PCDHGB6: variants seen among roughly 807,000 people sequenced by gnomAD.
The protein encoded by PCDHGB6 is protocadherin gamma subfamily B, 6, also known as protocadherin gamma-B6.
In PCDHGB6, 51 loss-of-function variants were observed where a neutral mutation model predicts 59.1. The ratio of observed to expected loss-of-function variants is 0.86; its 90% CI spans 0.69 to 1.09. The LOEUF (loss-of-function observed/expected upper bound fraction) is 1.09, where lower values mean the gene tolerates loss of function less well. PCDHGB6 is among the 50% of genes least tolerant of loss of function. The pLI is 0.00. For missense variants in PCDHGB6, 1,148 were observed against 1,205.1 expected, an observed-to-expected ratio of 0.95 and a Z score of 0.70; for synonymous variants, 466 against 495.1, an observed-to-expected ratio of 0.94 and a Z score of 0.78.
At chr5:141,494,305 C>T (rs544773836) in intron 1 of PCDHGB6, among the ~76,000 whole-genome samples, 1 of 152,346 alleles carries the variant, frequency 6.6e-6, no homozygotes, top group East Asian at 1.9e-4. Context: ...GAATGTGTCA[C>T]TGCACAACCT....
chr5:141,486,391 C>T lies in PCDHGB6; in HGVS notation c.2419-8416C>T. The T allele has an allele frequency of 6.2e-7, 1 of 1,614,112 alleles. No individual in the cohort carries two copies. The highest frequency in any genetic ancestry group is 8.5e-7 in the Non-Finnish European group (1 of 1,179,984). Reference sequence around the variant, plus strand: ...AGTCTGCCTTCAGGAACCAGTTCTCCCTGGTGACTGCTGGACCCTTGGATC... The same window carrying T: ...AGTCTGCCTTCAGGAACCAGTTCTCTCTGGTGACTGCTGGACCCTTGGATC... On this transcript the variant is annotated intron_variant, in intron 1 of 3. Transcript: ENST00000520790. The surrounding 1 kb of genome is among the most constrained non-coding windows in gnomAD (Gnocchi z 5.0).
At chr5:141,413,081 C>CAG in intron 1 of PCDHGB6, 1 of 1,339,426 alleles carries the variant, frequency 7.5e-7, no homozygotes, top group South Asian at 1.5e-5. Flanking sequence ...GCCCAGGCTA[C>CAG]AGAGACACCC....
In PCDHGB6 at chr5:141,409,577, G is replaced by A; in HGVS notation, c.1375G>A (p.Val459Ile). The change falls in exon 1 of 4, where the codon GTC (valine) becomes ATC (isoleucine). Residue 459 changes from valine to isoleucine, a missense_variant. Transcript: ENST00000520790. ...APVFDQTSYVVHVAENNPPGA... is the reference protein window; with the variant it reads ...APVFDQTSYVIHVAENNPPGA... ...AGTTTTCGACCAGACGTCCTACGTG[G>A]TCCACGTGGCCGAGAACAACCCGCC... 1 of 1,613,920 alleles carries A rather than the reference G, an allele frequency of 6.2e-7. No homozygotes were observed. The highest frequency in any genetic ancestry group is 1.1e-5 in the South Asian group (1 of 91,092).
Position 141,483,648 on chromosome 5 carries a change from T to TTGTG in PCDHGB6, c.2419-11141_2419-11138dup, listed in dbSNP as rs111458813. ...GGAGAAGGTATAGAGGGGTGTGTGTTTGTGTGTGTGTGTGTGTGTGTAAAA... is the reference window on the plus strand; with the variant it reads ...GGAGAAGGTATAGAGGGGTGTGTGTTTGTGTGTGTGTGTGTGTGTGTGTGTAAAA... On this transcript the variant is annotated intron_variant, in intron 1 of 3. Coordinates refer to ENST00000520790, the MANE Select transcript of PCDHGB6 (RefSeq NM_018926.3). Among the ~76,000 whole-genome samples, 501 of 149,686 alleles carry TTGTG rather than the reference T, an allele frequency of 3.3e-3. 2 individuals are homozygous for TTGTG. Among genetic ancestry groups the TTGTG allele is most frequent in the African/African-American group, 7.3e-3 (297 of 40,842 alleles).
At position 141,432,900 on chromosome 5, in the gene PCDHGB6, T is replaced by A. The variant is rs139221180; in HGVS notation, c.2418+22280T>A. ...GCCTTCGTCATCTTGCTGCTGGCGCTCAGGCTGCGGCGCTGGCACAAGTCA... is the reference window on the plus strand; with the variant it reads ...GCCTTCGTCATCTTGCTGCTGGCGCACAGGCTGCGGCGCTGGCACAAGTCA... On this transcript the variant is annotated intron_variant, in intron 1 of 3. Transcript: ENST00000520790. The surrounding 1 kb of genome is among the most constrained non-coding windows in gnomAD (Gnocchi z 6.0). The A allele has an allele frequency of 7.9e-5, 128 of 1,614,174 alleles. No homozygotes were observed. The highest frequency in any genetic ancestry group is 7.4e-4 in the East Asian group (33 of 44,868).
chr5:141,489,942 C>T lies in PCDHGB6; in HGVS notation c.2419-4865C>T. On this transcript the variant is annotated intron_variant, in intron 1 of 3. Transcript: ENST00000520790. The surrounding 1 kb of genome is among the most constrained non-coding windows in gnomAD (Gnocchi z 4.5). ...CCCTTATCTCTGTCATCGTGCTGGA[C>T]ATCAATGATAATGCTCCAACCTTCC... 2 of 1,614,170 alleles carry T rather than the reference C, an allele frequency of 1.2e-6. No homozygotes were observed. The highest frequency in any genetic ancestry group is 1.7e-6 in the Non-Finnish European group (2 of 1,179,984).
At chr5:141,478,143 A>G (rs759384540) in intron 1 of PCDHGB6, 72 of 1,614,014 alleles carry the variant, frequency 4.5e-5, no homozygotes, top group Middle Eastern at 3.3e-4. Context: ...GCCCGAGCCG[A>G]GTTCCCCTCT....
chr5:141,469,370 A>T (rs1453825795), intron 1 of PCDHGB6, among the ~76,000 whole-genome samples: 1 of 152,106 alleles, frequency 6.6e-6, no homozygotes, highest in Non-Finnish European at 1.5e-5. Flanking sequence ...AGGTAAAGAG[A>T]TCGAGACCAT....
chr5:141,494,678 G>A, intron 1 of PCDHGB6, 129 bp from the exon 2 acceptor site: 1 of 1,554,384 alleles, frequency 6.4e-7, no homozygotes, highest in Non-Finnish European at 8.7e-7. Flanking sequence ...GTCCACCCCT[G>A]CCCCCTCTTA....
chr5:141,476,979 G>C lies in PCDHGB6; in HGVS notation c.2419-17828G>C. On this transcript the variant is annotated intron_variant, in intron 1 of 3. Coordinates refer to ENST00000520790, the MANE Select transcript of PCDHGB6 (RefSeq NM_018926.3). The surrounding 1 kb of genome is among the most constrained non-coding windows in gnomAD (Gnocchi z 7.6). Reference sequence around the variant, plus strand: ...ATTTACTCCTTCGGCAGCCACAACCGCGCCGGCGTGCGGCAACTATTCGCC... The same window carrying C: ...ATTTACTCCTTCGGCAGCCACAACCCCGCCGGCGTGCGGCAACTATTCGCC... 1 of 1,614,238 alleles carries C rather than the reference G, an allele frequency of 6.2e-7. No homozygotes were observed. The highest frequency in any genetic ancestry group is 1.3e-5 in the African/African-American group (1 of 75,074).
intron 1 of PCDHGB6, chr5:141,414,615 G>A: frequency 6.2e-7 from 1 of 1,613,962 alleles, no homozygotes; most frequent in Non-Finnish European, 8.5e-7. Context: ...CAGTGACAGC[G>A]CTGGACCCGG....
At chr5:141,419,620 G>A (rs776986192) in intron 1 of PCDHGB6, 9 of 1,612,304 alleles carry the variant, frequency 5.6e-6, no homozygotes, top group Non-Finnish European at 7.6e-6. Context: ...CAGGCTACCT[G>A]GTGACCAAGG....
At chr5:141,446,208 G>GAT (rs1387839424) in intron 1 of PCDHGB6, among the ~76,000 whole-genome samples, 1 of 152,156 alleles carries the variant, frequency 6.6e-6, no homozygotes, top group Non-Finnish European at 1.5e-5. Context: ...CTAGGTGTCT[G>GAT]AAAATATTGT....
Position 141,477,809 on chromosome 5 carries a change from C to A in PCDHGB6, c.2419-16998C>A. 1 of 1,614,146 alleles carries A rather than the reference C, an allele frequency of 6.2e-7. No individual in the cohort carries two copies. Among genetic ancestry groups the A allele is most frequent in the Non-Finnish European group, 8.5e-7 (1 of 1,180,040 alleles). On this transcript the variant is annotated intron_variant, in intron 1 of 3. Coordinates refer to ENST00000520790, the MANE Select transcript of PCDHGB6 (RefSeq NM_018926.3). The surrounding 1 kb of genome is among the most constrained non-coding windows in gnomAD (Gnocchi z 4.9). ...TGTCACTGATCGCAATGACAATGCC[C>A]CCCAGGTCCTATATCCTCGGCCAGG...
chr5:141,439,568 A>G (rs2098121048), intron 1 of PCDHGB6, among the ~76,000 whole-genome samples: 1 of 152,208 alleles, frequency 6.6e-6, no homozygotes, highest in Non-Finnish European at 1.5e-5. Context: ...GTTCTAGAGT[A>G]GGGACTCAGA....
At chr5:141,442,294 C>A (rs1194203452) in intron 1 of PCDHGB6, 1 of 152,584 alleles carries the variant, frequency 6.6e-6, no homozygotes, top group Admixed American at 6.5e-5. Context: ...ATGATCCTGT[C>A]TGAGTCTTTC....
chr5:141,462,268 A>C (rs982301403), intron 1 of PCDHGB6, among the ~76,000 whole-genome samples: 3 of 152,196 alleles, frequency 2.0e-5, no homozygotes, highest in African/African-American at 7.2e-5. Flanking sequence ...CCTAAAGTGT[A>C]TTGTTTAGTC....
At chr5:141,459,763 G>A (rs1243169814) in intron 1 of PCDHGB6, among the ~76,000 whole-genome samples, 1 of 152,206 alleles carries the variant, frequency 6.6e-6, no homozygotes, top group South Asian at 2.1e-4. Context: ...GTGGGTGTGT[G>A]ATACTATCTC....
Position 141,431,300 on chromosome 5 carries a change from A to G in PCDHGB6, c.2418+20680A>G, listed in dbSNP as rs200375087. 7.4e-6 allele frequency: 12 copies of G among 1,614,008 alleles called. No homozygotes were observed. Among genetic ancestry groups the G allele is most frequent in the Admixed American group, 1.7e-5 (1 of 60,010 alleles). ...CAGCCCGAACACTCACTTCTCCCTC[A>G]TCGTGCAAAATGGAGCCGACGGTAG... On this transcript the variant is annotated intron_variant, in intron 1 of 3. Coordinates refer to ENST00000520790, the MANE Select transcript of PCDHGB6 (RefSeq NM_018926.3). This position sits in a 1 kb window ranked among gnomAD's most constrained non-coding sequence, Gnocchi z 4.8.
Sources: gnomAD v4.1 joint callset for allele counts (sites outside exome capture counted in the v4.1 genomes callset) on GRCh38, gnomAD v4.1.1 for gene constraint, Gnocchi (gnomAD v3.1) non-coding constraint, MANE v1.5 for transcripts, NCBI Gene and HGNC (gene_info 2026-07-23, HGNC 2026-07-21) for gene names.